SP140: variants seen among roughly 807,000 people sequenced by gnomAD.
SP140 encodes the protein nuclear body protein SP140.
In SP140, 81 loss-of-function variants were observed where a neutral mutation model predicts 125.0. The ratio of observed to expected loss-of-function variants is 0.65; its 90% CI spans 0.54 to 0.78. The LOEUF is 0.78. Ranked by LOEUF, SP140 falls within the 30% of genes least tolerant of loss-of-function variation. The probability of loss-of-function intolerance (pLI) is 0.00; values close to 1 mark genes in which losing one functional copy is unlikely to be tolerated. For synonymous variants in SP140, 312 were observed against 354.0 expected, an observed-to-expected ratio of 0.88 and a Z score of 1.33; for missense variants, 858 against 1,037.0, an observed-to-expected ratio of 0.83 and a Z score of 2.37.
intron 7 of SP140, among the ~76,000 whole-genome samples, chr2:230,247,441 G>C (rs2049630564): frequency 1.3e-5 from 2 of 152,090 alleles, no homozygotes; most frequent in South Asian, 4.1e-4. Flanking sequence ...TAGACTTTTA[G>C]TGAGTTCTAC....
At chr2:230,270,947 A>G (rs56716621) in intron 15 of SP140, 62,516 of 415,226 alleles carry the variant, frequency 0.15, 5,033 homozygotes, top group East Asian at 0.26. Flanking sequence ...CTGGCTGTGG[A>G]GAAAGGAAGA....
intron 1 of SP140, chr2:230,209,851 T>C (rs1319367010): frequency 1.2e-6 from 1 of 859,504 alleles, no homozygotes; most frequent in Middle Eastern, 2.2e-4. Context: ...AGTGGTGCTC[T>C]TGACAAGATA....
At chr2:230,274,703 G>A (rs1283102247) in intron 15 of SP140, among the ~76,000 whole-genome samples, 1 of 151,656 alleles carries the variant, frequency 6.6e-6, no homozygotes, top group Non-Finnish European at 1.5e-5. Context: ...CACCCTATAC[G>A]GTTATATTCA....
At chr2:230,265,124 T>TAAA (rs1196878028) in intron 12 of SP140, among the ~76,000 whole-genome samples, 1 of 152,000 alleles carries the variant, frequency 6.6e-6, no homozygotes, top group African/African-American at 2.4e-5. Context: ...AAGACTCTCG[T>TAAA]TGGACATGTC....
At chr2:230,214,534 A>G (rs1429472862) in intron 3 of SP140, among the ~76,000 whole-genome samples, 1 of 152,230 alleles carries the variant, frequency 6.6e-6, no homozygotes, top group African/African-American at 2.4e-5. Context: ...ATAATCAAAT[A>G]AAGTGTTTGC....
chr2:230,258,355 A>G (rs1167528817), intron 12 of SP140, among the ~76,000 whole-genome samples: 1 of 152,208 alleles, frequency 6.6e-6, no homozygotes, highest in Admixed American at 6.5e-5. Context: ...ATGATGTTTT[A>G]CAATACGTTA....
downstream of SP140, among the ~76,000 whole-genome samples, chr2:230,316,054 TC>T (rs1424457550): frequency 6.6e-6 from 1 of 152,214 alleles, no homozygotes; most frequent in Non-Finnish European, 1.5e-5. Flanking sequence ...ACGGTCTTGC[TC>T]CAGGGCAATG....
chr2:230,302,043 T>C (rs1216786709), intron 22 of SP140, among the ~76,000 whole-genome samples: 1 of 152,126 alleles, frequency 6.6e-6, no homozygotes, highest in Admixed American at 6.5e-5. Flanking sequence ...AAGAGCGACC[T>C]TATATAATGA....
upstream of SP140, chr2:230,221,803 G>A (rs890808032): frequency 7.6e-7 from 1 of 1,312,420 alleles, no homozygotes; most frequent in Non-Finnish European, 1.1e-6. Flanking sequence ...AGATACACCA[G>A]GCAAATGCAA....
At chr2:230,262,185 G>C (rs2052382914) in intron 12 of SP140, among the ~76,000 whole-genome samples, 1 of 152,098 alleles carries the variant, frequency 6.6e-6, no homozygotes, top group Non-Finnish European at 1.5e-5. Flanking sequence ...TAGGAGGGTT[G>C]TATTTTTGCA....
At chr2:230,198,770 G>T (rs917948994), upstream of SP140, among the ~76,000 whole-genome samples, 2 of 151,848 alleles carry the variant, frequency 1.3e-5, no homozygotes, top group Admixed American at 6.6e-5. Flanking sequence ...AATTTTTTTT[G>T]TATTTTTAGC....
intron 12 of SP140, among the ~76,000 whole-genome samples, chr2:230,259,997 A>G (rs1404522758): frequency 6.6e-6 from 1 of 152,052 alleles, no homozygotes; most frequent in Non-Finnish European, 1.5e-5. Flanking sequence ...TTCTATTTTT[A>G]GTTCTTTAAG....
At chr2:230,192,262 ATAG>A in the SP140 span, among the ~76,000 whole-genome samples, 2 of 152,192 alleles carry the variant, frequency 1.3e-5, no homozygotes, top group Admixed American at 1.3e-4. Context: ...CCTATTCAAC[ATAG>A]TATTAGAAGT....
chr2:230,249,013 T>A, intron 9 of SP140, 45 bp downstream of exon 9: 1 of 1,504,322 alleles, frequency 6.6e-7, no homozygotes. Flanking sequence ...CATCTTTGTT[T>A]TCTAGTTGGC....
intron 16 of SP140, among the ~76,000 whole-genome samples, chr2:230,284,954 A>G (rs1020246533): frequency 6.6e-6 from 1 of 152,186 alleles, no homozygotes; most frequent in Non-Finnish European, 1.5e-5. Flanking sequence ...TGATGTTTAT[A>G]TATTTTTATC....
At chr2:230,276,101 C>A (rs973186764) in intron 15 of SP140, among the ~76,000 whole-genome samples, 2 of 152,118 alleles carry the variant, frequency 1.3e-5, no homozygotes, top group Non-Finnish European at 2.9e-5. Context: ...GAAGGTTGTC[C>A]AGAAGATCTA....
chr2:230,276,849 G>A (rs1430255016), intron 15 of SP140, among the ~76,000 whole-genome samples: 2 of 152,162 alleles, frequency 1.3e-5, no homozygotes, highest in Non-Finnish European at 2.9e-5. Context: ...TGACTTTGAA[G>A]TGTTCAACAC....
chr2:230,279,767 C>T (rs367840605), intron 15 of SP140, among the ~76,000 whole-genome samples: 3 of 152,054 alleles, frequency 2.0e-5, no homozygotes, highest in Non-Finnish European at 4.4e-5. Flanking sequence ...CTCTGGTTCT[C>T]GACAACAGCT....
intron 11 of SP140, among the ~76,000 whole-genome samples, chr2:230,253,981 A>G (rs1468145553): frequency 6.6e-6 from 1 of 152,180 alleles, no homozygotes; most frequent in Non-Finnish European, 1.5e-5. Flanking sequence ...AATCGTGGAC[A>G]TTTTACAGGC....
Sources: gnomAD v4.1 joint callset for allele counts (sites outside exome capture counted in the v4.1 genomes callset) on GRCh38, gnomAD v4.1.1 for gene constraint, MANE v1.5 for transcripts, NCBI Gene and HGNC (gene_info 2026-07-23, HGNC 2026-07-21) for gene names.